The following PAFAH1B1 variants were observed in gnomAD, a reference collection of about 807,000 sequenced individuals.
The protein encoded by PAFAH1B1 is platelet activating factor acetylhydrolase 1b regulatory subunit 1, also known as platelet-activating factor acetylhydrolase IB subunit beta.
In PAFAH1B1, 2 loss-of-function variants were observed where a neutral mutation model predicts 57.5. That is an observed-to-expected ratio of 0.03 (90% CI 0.01 to 0.11). The LOEUF (loss-of-function observed/expected upper bound fraction) is 0.11, where lower values mean the gene tolerates loss of function less well. Among genes scored for constraint, PAFAH1B1 ranks in the 10% least tolerant of loss-of-function variants. The probability of loss-of-function intolerance (pLI) is 1.00; values close to 1 mark genes in which losing one functional copy is unlikely to be tolerated. For missense variants in PAFAH1B1, 257 were observed against 512.0 expected (o/e 0.50, Z 4.81); for synonymous variants, 152 against 169.6 (o/e 0.90, Z 0.81).
chr17:2,645,623 A>ATT (rs1447970564), intron 2 of PAFAH1B1, among the ~76,000 whole-genome samples: 2 of 142,894 alleles, frequency 1.4e-5, no homozygotes, highest in African/African-American at 5.1e-5. Context: ...ATATATATAT[A>ATT]TTTTTTGTTA....
intron 2 of PAFAH1B1, among the ~76,000 whole-genome samples, chr17:2,645,316 G>T (rs1021658785): frequency 2.0e-5 from 3 of 152,028 alleles, no homozygotes; most frequent in African/African-American, 7.2e-5. Context: ...GTAAATCTGG[G>T]GCCGGGTGCA....
At chr17:2,667,605 G>A (rs1426358671) in intron 5 of PAFAH1B1, 3 of 242,312 alleles carry the variant, frequency 1.2e-5, no homozygotes, top group Non-Finnish European at 2.5e-5. Context: ...AATGAAAAGT[G>A]TGTGTCTTAC....
chr17:2,603,870 T>A (rs927500577), intron 1 of PAFAH1B1, among the ~76,000 whole-genome samples: 3 of 151,116 alleles, frequency 2.0e-5, no homozygotes, highest in Non-Finnish European at 4.4e-5. Context: ...CCTGAGTAGC[T>A]GGGATTACAG....
At position 2,683,264 on chromosome 17, in the gene PAFAH1B1, C is replaced by G. The variant is rs567336301; in HGVS notation, c.*1462C>G. 7 of 152,180 alleles carry G rather than the reference C, an allele frequency of 4.6e-5. No homozygotes were observed. Among genetic ancestry groups the G allele is most frequent in the African/African-American group, 1.7e-4 (7 of 41,540 alleles). The allele number at this position is 152,180 out of a possible 1,614,324, so 9.4% of individuals were successfully genotyped here. On this transcript the variant is annotated 3_prime_UTR_variant, in exon 11 of 11. Coordinates refer to ENST00000397195, the MANE Select transcript of PAFAH1B1 (RefSeq NM_000430.4). ...GACTTTTGGAGCACTATTCCATTGTCAGTTATTAATAAAGAATTCCATTGC... is the reference window on the plus strand; with the variant it reads ...GACTTTTGGAGCACTATTCCATTGTGAGTTATTAATAAAGAATTCCATTGC...
In PAFAH1B1 at chr17:2,656,013, C is replaced by T. The variant is rs537326348; in HGVS notation, c.33-9359C>T. Reference sequence around the variant, plus strand: ...ATCTCGGCTCACTGCAACCTCCGCCCCTGGGTTCAAGTGATTCTCCTGCTT... The same window carrying T: ...ATCTCGGCTCACTGCAACCTCCGCCTCTGGGTTCAAGTGATTCTCCTGCTT... On this transcript the variant is annotated intron_variant, in intron 2 of 10. Transcript: ENST00000397195. 2.6e-5 allele frequency among the ~76,000 whole-genome samples: 4 copies of T among 152,084 alleles called. No homozygotes were observed. In the East Asian group the frequency reaches 5.9e-4, roughly 22 times the overall value.
intron 2 of PAFAH1B1, among the ~76,000 whole-genome samples, chr17:2,653,902 G>T (rs890061871): frequency 1.3e-5 from 2 of 152,070 alleles, no homozygotes; most frequent in Non-Finnish European, 2.9e-5. Context: ...TCCACCTCCT[G>T]GGTTCACGTG....
chr17:2,646,506 A>G (rs997976275), intron 2 of PAFAH1B1, among the ~76,000 whole-genome samples: 1 of 152,142 alleles, frequency 6.6e-6, no homozygotes, highest in Non-Finnish European at 1.5e-5. Flanking sequence ...TACAAAAATT[A>G]GCCGGGTGTG....
chr17:2,613,385 G>T (rs917580796), intron 1 of PAFAH1B1: 22 of 241,992 alleles, frequency 9.1e-5, no homozygotes, highest in Admixed American at 2.5e-4. Context: ...CCCTTCATAG[G>T]GGGAGGTGGC....
At chr17:2,666,210 A>G in intron 4 of PAFAH1B1, 120 bp downstream of exon 4, 1 of 981,992 alleles carries the variant, frequency 1.0e-6, no homozygotes, top group Non-Finnish European at 1.5e-6. Flanking sequence ...ATAAAAATAC[A>G]TTTTTTGTGC....
chr17:2,668,012 T>A (rs970353214), intron 5 of PAFAH1B1, among the ~76,000 whole-genome samples: 1 of 151,840 alleles, frequency 6.6e-6, no homozygotes, highest in African/African-American at 2.4e-5. Flanking sequence ...GTTACAGATA[T>A]TAAGTTTCAT....
chr17:2,652,254 CAAAAA>C (rs1176477577), intron 2 of PAFAH1B1, among the ~76,000 whole-genome samples: 1 of 147,036 alleles, frequency 6.8e-6, no homozygotes, highest in African/African-American at 2.5e-5. Context: ...ACTAAAAATA[CAAAAA>C]AAAAAATTGG....
At chr17:2,600,014 C>T (rs2068122774) in intron 1 of PAFAH1B1, among the ~76,000 whole-genome samples, 1 of 132,256 alleles carries the variant, frequency 7.6e-6, no homozygotes, top group Non-Finnish European at 1.5e-5. Flanking sequence ...GAGTCTCACT[C>T]CATCACCCAG....
chr17:2,605,326 G>A (rs2151611057), intron 1 of PAFAH1B1, among the ~76,000 whole-genome samples: 1 of 152,218 alleles, frequency 6.6e-6, no homozygotes, highest in Middle Eastern at 3.4e-3. Context: ...AGGAGGAGTT[G>A]TATAGAATAT....
chr17:2,659,720 C>G (rs922856553), intron 2 of PAFAH1B1, among the ~76,000 whole-genome samples: 1 of 151,594 alleles, frequency 6.6e-6, no homozygotes, highest in South Asian at 2.1e-4. Flanking sequence ...ACCTGTAATC[C>G]CAGCTACTCA....
intron 1 of PAFAH1B1, among the ~76,000 whole-genome samples, chr17:2,617,940 C>G (rs1341095469): frequency 2.0e-5 from 3 of 148,204 alleles, no homozygotes; most frequent in Non-Finnish European, 4.5e-5. Flanking sequence ...AAAAACGTCT[C>G]GGTATTGGAT....
chr17:2,613,275 C>T (rs1018068837), intron 1 of PAFAH1B1: 6 of 206,080 alleles, frequency 2.9e-5, no homozygotes, highest in Non-Finnish European at 5.4e-5. Flanking sequence ...CACCCCTGGC[C>T]ACTTCAGCAC....
chr17:2,652,089 A>C (rs1398051075), intron 2 of PAFAH1B1, among the ~76,000 whole-genome samples: 1 of 152,108 alleles, frequency 6.6e-6, no homozygotes, highest in Non-Finnish European at 1.5e-5. Context: ...TCCTTTTCAG[A>C]TTGGCTGCTT....
chr17:2,672,609 C>G (rs770134949), intron 6 of PAFAH1B1, 46 bp from the exon 7 acceptor site: 3 of 1,269,008 alleles, frequency 2.4e-6, no homozygotes, highest in South Asian at 1.2e-5. Flanking sequence ...TTTCATTGCT[C>G]TTGGTGGTAT....
At chr17:2,596,424 G>T (rs186557216) in intron 1 of PAFAH1B1, among the ~76,000 whole-genome samples, 2 of 152,248 alleles carry the variant, frequency 1.3e-5, no homozygotes, top group African/African-American at 2.4e-5. Context: ...AAGATAATTT[G>T]CATGAAAGCC....
Sources: gnomAD v4.1 joint callset for allele counts (sites outside exome capture counted in the v4.1 genomes callset) on GRCh38, gnomAD v4.1.1 for gene constraint, MANE v1.5 for transcripts, NCBI Gene and HGNC (gene_info 2026-07-23, HGNC 2026-07-21) for gene names.